NCALD: variants seen among roughly 807,000 people sequenced by gnomAD.
NCALD encodes the protein neurocalcin delta, also known as neurocalcin-delta.
In NCALD, 10 loss-of-function variants were observed where a neutral mutation model predicts 18.6. The observed-to-expected ratio is 0.54, with a 90% CI of 0.33 to 0.91. The LOEUF is 0.91. Among genes scored for constraint, NCALD ranks in the 40% least tolerant of loss-of-function variants. The pLI, the probability that NCALD is intolerant of heterozygous loss-of-function variation, is 0.03. For missense variants in NCALD, 184 were observed against 247.6 expected (o/e 0.74, Z 1.72); for synonymous variants, 88 against 87.4 (o/e 1.01, Z -0.04).
intron 2 of NCALD, among the ~76,000 whole-genome samples, chr8:101,987,553 G>A (rs1820861161): frequency 6.6e-6 from 1 of 152,158 alleles, no homozygotes; most frequent in Non-Finnish European, 1.5e-5. Context: ...GCCAATGCAT[G>A]AAAAACAAAT....
At chr8:101,881,357 G>A (rs1014937072) in intron 4 of NCALD, among the ~76,000 whole-genome samples, 1 of 152,130 alleles carries the variant, frequency 6.6e-6, no homozygotes, top group Non-Finnish European at 1.5e-5. Context: ...TACAGTGACA[G>A]AACACATTCT....
intron 1 of NCALD, among the ~76,000 whole-genome samples, chr8:102,039,031 G>A (rs1206268880): frequency 1.3e-5 from 2 of 152,118 alleles, no homozygotes; most frequent in Non-Finnish European, 2.9e-5. Flanking sequence ...AGCCAACAGC[G>A]TGCAAGAAAA....
intron 4 of NCALD, among the ~76,000 whole-genome samples, chr8:101,868,827 T>C (rs1815886110): frequency 6.6e-6 from 1 of 152,368 alleles, no homozygotes. Context: ...CATGGCCCGC[T>C]CCCACTCTGT....
chr8:101,920,733 G>C (rs73290537), intron 2 of NCALD, among the ~76,000 whole-genome samples: 12,294 of 152,196 alleles, frequency 0.081, 1,338 homozygotes, highest in African/African-American at 0.25. Context: ...CTAGAGGAGA[G>C]AGGGAGAAAT....
In NCALD at chr8:101,880,499, C is replaced by T. The variant is rs577825121; in HGVS notation, c.-20+6642G>A. Among the ~76,000 whole-genome samples, 31 of 152,286 alleles carry T rather than the reference C, an allele frequency of 2.0e-4. No homozygotes were observed. The South Asian group carries it at 4.1e-3, about 20-fold the overall frequency. ...AAGGGCTCCTGGAGCATGGCCAGAG[C>T]GGAGGCCGAGGCCAAGGAGGCGCTG... On this transcript the variant is annotated intron_variant, in intron 4 of 6. Coordinates refer to the NCALD transcript ENST00000311028.
intron 1 of NCALD, among the ~76,000 whole-genome samples, chr8:102,020,694 T>C (rs1242965047): frequency 2.6e-5 from 4 of 152,234 alleles, no homozygotes; most frequent in African/African-American, 7.2e-5. Flanking sequence ...TTCTAAAATC[T>C]AAGCATAACA....
intron 4 of NCALD, among the ~76,000 whole-genome samples, chr8:101,814,800 T>C (rs1461548271): frequency 4.6e-5 from 7 of 152,062 alleles, no homozygotes; most frequent in Non-Finnish European, 1.0e-4. Context: ...ATACCACCAA[T>C]GAACAAACAA....
intron 1 of NCALD, chr8:101,721,325 A>G (rs1213666413): frequency 6.6e-6 from 1 of 152,506 alleles, no homozygotes; most frequent in Non-Finnish European, 1.5e-5. Flanking sequence ...CTTGAGGCAG[A>G]GTCTCCACTG....
At chr8:101,833,610 G>GTTTTTTTTTT (rs555031298) in intron 4 of NCALD, among the ~76,000 whole-genome samples, 17 of 88,476 alleles carry the variant, frequency 1.9e-4, no homozygotes, top group African/African-American at 7.5e-4. Flanking sequence ...TTTGTTTCTT[G>GTTTTTTTTTT]TTTTTTTTTT....
intron 2 of NCALD, among the ~76,000 whole-genome samples, chr8:101,932,056 G>T (rs1467406317): frequency 6.6e-6 from 1 of 152,150 alleles, no homozygotes; most frequent in Non-Finnish European, 1.5e-5. Context: ...CTCACCTTGA[G>T]CTCCCTAAGC....
At chr8:101,792,416 A>G (rs562986361), upstream of NCALD, among the ~76,000 whole-genome samples, 1 of 152,330 alleles carries the variant, frequency 6.6e-6, no homozygotes, top group East Asian at 1.9e-4. Flanking sequence ...GGGAGAAAAG[A>G]TAGATTTTTA....
intron 4 of NCALD, among the ~76,000 whole-genome samples, chr8:101,839,227 G>A (rs142616011): frequency 1.3e-5 from 2 of 152,232 alleles, no homozygotes; most frequent in Admixed American, 6.5e-5. Context: ...TGCAGGAAGT[G>A]TTGTTGGCAT....
At chr8:101,772,829 C>T (rs1026121696) in intron 1 of NCALD, among the ~76,000 whole-genome samples, 1 of 152,082 alleles carries the variant, frequency 6.6e-6, no homozygotes, top group African/African-American at 2.4e-5. Flanking sequence ...TAAATCTAAC[C>T]TTATATTTCC....
At chr8:101,885,924 G>C (rs1197701323) in intron 4 of NCALD, among the ~76,000 whole-genome samples, 1 of 152,194 alleles carries the variant, frequency 6.6e-6, no homozygotes, top group Non-Finnish European at 1.5e-5. Flanking sequence ...CAACTGCCAT[G>C]TCTCGGGTTG....
intron 1 of NCALD, among the ~76,000 whole-genome samples, chr8:102,091,244 C>A (rs761379579): frequency 2.7e-4 from 41 of 152,030 alleles, no homozygotes; most frequent in Non-Finnish European, 4.1e-4. Flanking sequence ...AGTAATCATG[C>A]CAAGTATAAT....
intron 1 of NCALD, among the ~76,000 whole-genome samples, chr8:102,097,855 T>A (rs1178570272): frequency 2.0e-5 from 3 of 152,128 alleles, no homozygotes; most frequent in Non-Finnish European, 4.4e-5. Context: ...CTTCACCCTA[T>A]CTGTTTCTTA....
intron 4 of NCALD, among the ~76,000 whole-genome samples, chr8:101,866,592 G>A (rs542915520): frequency 7.2e-5 from 11 of 152,100 alleles, no homozygotes; most frequent in South Asian, 6.2e-4. Flanking sequence ...TTCTCATAAC[G>A]GCAATTCCAT....
intron 1 of NCALD, among the ~76,000 whole-genome samples, chr8:101,767,311 T>A (rs753561108): frequency 1.3e-5 from 2 of 152,208 alleles, no homozygotes; most frequent in Non-Finnish European, 2.9e-5. Flanking sequence ...GAGTAAATAT[T>A]CAATAAATAA....
intron 2 of NCALD, among the ~76,000 whole-genome samples, chr8:101,993,643 C>T (rs944513419): frequency 3.9e-5 from 6 of 152,234 alleles, no homozygotes; most frequent in Non-Finnish European, 7.3e-5. Flanking sequence ...GGTCCTCCTA[C>T]TACTGCCTCT....
Sources: gnomAD v4.1 joint callset for allele counts (sites outside exome capture counted in the v4.1 genomes callset) on GRCh38, gnomAD v4.1.1 for gene constraint, MANE v1.5 for transcripts, NCBI Gene and HGNC (gene_info 2026-07-23, HGNC 2026-07-21) for gene names.